The following NOS1AP variants were observed in gnomAD, a reference collection of about 807,000 sequenced individuals.
The protein encoded by NOS1AP is nitric oxide synthase 1 adaptor protein.
NOS1AP carries 21 observed loss-of-function variants against 56.2 expected under a neutral mutation model. The ratio of observed to expected loss-of-function variants is 0.37; its 90% CI spans 0.26 to 0.54. NOS1AP has a LOEUF of 0.54. NOS1AP is among the 20% of genes least tolerant of loss of function. The pLI, the probability that NOS1AP is intolerant of heterozygous loss-of-function variation, is 0.84. For missense variants in NOS1AP, 522 were observed against 657.8 expected, an observed-to-expected ratio of 0.79 and a Z score of 2.26; for synonymous variants, 270 against 274.6, an observed-to-expected ratio of 0.98 and a Z score of 0.17.
chr1:162,201,708 G>A (rs1651995158), intron 2 of NOS1AP, among the ~76,000 whole-genome samples: 1 of 152,142 alleles, frequency 6.6e-6, no homozygotes, highest in Non-Finnish European at 1.5e-5. Context: ...GTGATATTGA[G>A]CTTTTCTTTT....
intron 1 of NOS1AP, among the ~76,000 whole-genome samples, chr1:162,075,403 C>T (rs1038745864): frequency 6.6e-6 from 1 of 152,146 alleles, no homozygotes; most frequent in Non-Finnish European, 1.5e-5. Context: ...TGATGGTTTC[C>T]CTGATGTGGA....
At chr1:162,343,599 TA>T (rs1657179017) in intron 5 of NOS1AP, among the ~76,000 whole-genome samples, 1 of 152,266 alleles carries the variant, frequency 6.6e-6, no homozygotes, top group South Asian at 2.1e-4. Context: ...GCTAAGTCCA[TA>T]ACTGGCATAT....
intron 3 of NOS1AP, among the ~76,000 whole-genome samples, chr1:162,290,026 C>T (rs1020596574): frequency 1.3e-5 from 2 of 152,150 alleles, no homozygotes; most frequent in South Asian, 4.1e-4. Flanking sequence ...GAGGTATCAC[C>T]TGGAGAGAAG....
chr1:162,195,458 A>G lies in NOS1AP; in HGVS notation c.177+40982A>G, dbSNP rs563300574. Among the ~76,000 whole-genome samples the G allele has an allele frequency of 3.3e-5, 5 of 152,328 alleles. No individual in the cohort carries two copies. In the East Asian group the frequency reaches 9.7e-4, roughly 29 times the overall value. On this transcript the variant is annotated intron_variant, in intron 2 of 9. Transcript: ENST00000361897. ...CATCCCAGCATCTCCAGCACCTGGCATGGTACCTGGCACATATGACAGGCT... is the reference window on the plus strand; with the variant it reads ...CATCCCAGCATCTCCAGCACCTGGCGTGGTACCTGGCACATATGACAGGCT...
intron 1 of NOS1AP, among the ~76,000 whole-genome samples, chr1:162,070,986 G>C (rs1416888196): frequency 2.0e-5 from 3 of 152,248 alleles, no homozygotes; most frequent in Middle Eastern, 6.8e-3. Context: ...TCCACCGTTG[G>C]GGGAGGGGTG....
chr1:162,124,008 A>G (rs1478425923), intron 1 of NOS1AP, among the ~76,000 whole-genome samples: 4 of 152,220 alleles, frequency 2.6e-5, no homozygotes, highest in African/African-American at 9.6e-5. Context: ...TATATAACAA[A>G]AAATAATTTT....
At position 162,186,413 on chromosome 1, in the gene NOS1AP, C is replaced by A. The variant is rs1436510090; in HGVS notation, c.177+31937C>A. ...GATGAAGAAAAAAAACAAAACAAAA[C>A]AAAACAAAAAAAAACAAAAAAACCC... On this transcript the variant is annotated intron_variant, in intron 2 of 9. Coordinates refer to ENST00000361897, the MANE Select transcript of NOS1AP (RefSeq NM_014697.3). 2.7e-5 allele frequency among the ~76,000 whole-genome samples: 4 copies of A among 150,492 alleles called. No homozygotes were observed. In the East Asian group the frequency reaches 7.8e-4, roughly 29 times the overall value.
chr1:162,186,897 G>A (rs564915631), intron 2 of NOS1AP, among the ~76,000 whole-genome samples: 1 of 152,180 alleles, frequency 6.6e-6, no homozygotes, highest in Admixed American at 6.5e-5. Flanking sequence ...AAAATGGAAT[G>A]CTTTTAACAA....
At chr1:162,358,230 C>T (rs1221875687) in intron 8 of NOS1AP, among the ~76,000 whole-genome samples, 2 of 152,148 alleles carry the variant, frequency 1.3e-5, no homozygotes, top group Non-Finnish European at 2.9e-5. Context: ...AATCATCCAG[C>T]CAGAGATATC....
intron 1 of NOS1AP, among the ~76,000 whole-genome samples, chr1:162,140,679 G>T (rs1026005401): frequency 6.6e-6 from 1 of 152,150 alleles, no homozygotes; most frequent in African/African-American, 2.4e-5. Context: ...TGGGATTGCT[G>T]GCTCAAATGG....
In NOS1AP at chr1:162,355,346, G is replaced by A; in HGVS notation, c.755G>A (p.Gly252Asp). 3 of 1,614,114 alleles carry A rather than the reference G, an allele frequency of 1.9e-6. No individual in the cohort carries two copies. The highest frequency in any genetic ancestry group is 1.7e-6 in the Non-Finnish European group (2 of 1,180,036). ...GGGAAGGAAGGAGGCTCTCACACAG[G>A]CTCCAAGGTAGGCAAGAGATGGCCC... ...AVGKEGGSHT[G>D]SKVSHPQEPM... The change falls in exon 7 of 10, where the codon GGC becomes GAC. Residue 252 changes from glycine to aspartate, a missense_variant. Physicochemically the swap from Gly to Asp is moderately conservative, Grantham distance 94. Transcript: ENST00000361897.
intron 9 of NOS1AP, among the ~76,000 whole-genome samples, 182 bp downstream of exon 9, chr1:162,365,751 A>T (rs1004691542): frequency 6.6e-6 from 1 of 152,084 alleles, no homozygotes; most frequent in African/African-American, 2.4e-5. Context: ...CACATGCCCA[A>T]AGGAGATCTC....
At chr1:162,127,377 A>C (rs1648536382) in intron 1 of NOS1AP, among the ~76,000 whole-genome samples, 1 of 152,180 alleles carries the variant, frequency 6.6e-6, no homozygotes, top group African/African-American at 2.4e-5. Flanking sequence ...ATAGTTCTTT[A>C]TACACATAAA....
intron 2 of NOS1AP, among the ~76,000 whole-genome samples, chr1:162,169,621 A>C (rs1650668699): frequency 6.6e-6 from 1 of 152,112 alleles, no homozygotes; most frequent in Non-Finnish European, 1.5e-5. Context: ...ATCTGTCCTC[A>C]CAGAGGAGAC....
At chr1:162,080,964 T>TAG (rs1269593923) in intron 1 of NOS1AP, among the ~76,000 whole-genome samples, 2 of 152,190 alleles carry the variant, frequency 1.3e-5, no homozygotes. Flanking sequence ...GCAGAGTAAC[T>TAG]TGCTCATGGT....
intron 2 of NOS1AP, among the ~76,000 whole-genome samples, chr1:162,243,119 T>A (rs1474928785): frequency 6.6e-6 from 1 of 152,198 alleles, no homozygotes; most frequent in African/African-American, 2.4e-5. Flanking sequence ...TATCTGCTTC[T>A]GCTTTAGGAG....
At chr1:162,117,346 A>T (rs865914793) in intron 1 of NOS1AP, among the ~76,000 whole-genome samples, 2 of 152,158 alleles carry the variant, frequency 1.3e-5, no homozygotes, top group East Asian at 3.9e-4. Context: ...TGTGTCTGAC[A>T]CTTTAGTCTG....
chr1:162,264,631 C>T (rs1476022348), intron 2 of NOS1AP, among the ~76,000 whole-genome samples: 5 of 151,194 alleles, frequency 3.3e-5, no homozygotes, highest in African/African-American at 7.3e-5. Context: ...CTCAGCCTCC[C>T]GAGTAGCTGG....
chr1:162,367,162 G>T lies in NOS1AP; in HGVS notation c.1216G>T (p.Ala406Ser), dbSNP rs760300331. ...PEDLHSPPLGAGLADFAHPAG... is the reference protein window; with the variant it reads ...PEDLHSPPLGSGLADFAHPAG... ...GGACCTGCATTCGCCGCCGCTGGGC[G>T]CGGGCTTGGCTGACTTTGCCCACCC... The change falls in exon 10 of 10, where the codon GCG (alanine) becomes TCG (serine). Residue 406 changes from alanine (A) to serine (S), a missense_variant. Physicochemically the swap from Ala to Ser is moderately conservative, Grantham distance 99. Coordinates refer to ENST00000361897, the MANE Select transcript of NOS1AP (RefSeq NM_014697.3). The surrounding 1 kb of genome is among the most constrained non-coding windows in gnomAD (Gnocchi z 6.5). 5 of 1,613,822 alleles carry T rather than the reference G, an allele frequency of 3.1e-6. No individual in the cohort carries two copies. The South Asian group carries it at 5.5e-5, about 18-fold the overall frequency.
Sources: allele counts gnomAD v4.1 joint callset (sites outside exome capture counted in the v4.1 genomes callset), GRCh38; gene constraint gnomAD v4.1.1; non-coding constraint Gnocchi (gnomAD v3.1); transcripts MANE v1.5; gene names NCBI Gene and HGNC (gene_info 2026-07-23, HGNC 2026-07-21).